The following PCCA variants were observed in gnomAD, a reference collection of about 807,000 sequenced individuals.
The protein encoded by PCCA is propionyl-CoA carboxylase alpha chain, mitochondrial.
Under a neutral mutation model 101.3 loss-of-function variants are expected in PCCA, and 74 were observed. That is an observed-to-expected ratio of 0.73 (90% CI 0.61 to 0.89). The LOEUF is 0.89. Among genes scored for constraint, PCCA ranks in the 40% least tolerant of loss-of-function variants. The pLI is 0.00. For synonymous variants in PCCA, 294 were observed against 313.6 expected, an observed-to-expected ratio of 0.94 and a Z score of 0.66; for missense variants, 891 against 907.0, an observed-to-expected ratio of 0.98 and a Z score of 0.23.
chr13:100,202,693 ATGT>A (rs1056120932), intron 6 of PCCA, among the ~76,000 whole-genome samples: 6 of 149,268 alleles, frequency 4.0e-5, no homozygotes, highest in African/African-American at 1.2e-4. Flanking sequence ...CATATGTTGG[ATGT>A]TCTTTTTTAT....
chr13:100,134,434 GC>G (rs2050900174), intron 4 of PCCA, among the ~76,000 whole-genome samples: 2 of 152,144 alleles, frequency 1.3e-5, no homozygotes, highest in African/African-American at 4.8e-5. Context: ...AAAAAATCCT[GC>G]TGAGATTTTG....
At chr13:100,114,793 T>C (rs943973469) in intron 4 of PCCA, among the ~76,000 whole-genome samples, 18 of 152,152 alleles carry the variant, frequency 1.2e-4, no homozygotes, top group African/African-American at 4.3e-4. Flanking sequence ...CTGGCGAGGA[T>C]GTAGAGAAAG....
intron 21 of PCCA, among the ~76,000 whole-genome samples, chr13:100,513,747 A>G (rs1342315935): frequency 6.6e-6 from 1 of 152,216 alleles, no homozygotes; most frequent in African/African-American, 2.4e-5. Context: ...ACAAGAAAAA[A>G]ATAGATCTGT....
At chr13:100,502,098 C>T (rs1286652088) in intron 21 of PCCA, among the ~76,000 whole-genome samples, 1 of 152,108 alleles carries the variant, frequency 6.6e-6, no homozygotes, top group Non-Finnish European at 1.5e-5. Flanking sequence ...ATTTAGTGCT[C>T]ACACTACAGT....
chr13:100,507,989 AT>A (rs1195231122), intron 21 of PCCA, among the ~76,000 whole-genome samples: 38 of 151,230 alleles, frequency 2.5e-4, no homozygotes, highest in East Asian at 2.0e-4. Flanking sequence ...TTTTGGCACT[AT>A]TTTTTTTTAA....
At chr13:100,418,803 C>A (rs1277356617) in intron 19 of PCCA, among the ~76,000 whole-genome samples, 1 of 149,488 alleles carries the variant, frequency 6.7e-6, no homozygotes, top group Non-Finnish European at 1.5e-5. Flanking sequence ...CATCGTACTT[C>A]AGCCTGGGCA....
chr13:100,445,685 G>T (rs1306195941), intron 20 of PCCA, among the ~76,000 whole-genome samples: 1 of 152,028 alleles, frequency 6.6e-6, no homozygotes, highest in Admixed American at 6.5e-5. Context: ...GTATGTACCT[G>T]GCTTATTTTA....
chr13:100,448,912 A>G (rs2081030662), intron 20 of PCCA, among the ~76,000 whole-genome samples: 2 of 152,214 alleles, frequency 1.3e-5, no homozygotes. Context: ...TATACCCTTG[A>G]GAAACCCCAC....
rs570272693 is a variant in PCCA, at chr13:100,435,674, C to G, written c.1845+9943C>G. ...TTATCCAGGTTCTTGGCGTTTTGAACAAAGAATTGGACAACATGTCCAGCA... is the reference window on the plus strand; with the variant it reads ...TTATCCAGGTTCTTGGCGTTTTGAAGAAAGAATTGGACAACATGTCCAGCA... On this transcript the variant is annotated intron_variant, in intron 20 of 23. Coordinates refer to ENST00000376285, the MANE Select transcript of PCCA (RefSeq NM_000282.4). 2.0e-5 allele frequency among the ~76,000 whole-genome samples: 3 copies of G among 152,250 alleles called. No homozygotes were observed. The East Asian group carries it at 5.8e-4, about 29-fold the overall frequency.
intron 19 of PCCA, among the ~76,000 whole-genome samples, chr13:100,416,588 A>G (rs367567428): frequency 3.3e-5 from 5 of 151,212 alleles, no homozygotes; most frequent in African/African-American, 1.2e-4. Context: ...GGTAGAGTGC[A>G]ATGGCACGAT....
At chr13:100,116,182 T>C (rs1415527620) in intron 4 of PCCA, among the ~76,000 whole-genome samples, 1 of 152,216 alleles carries the variant, frequency 6.6e-6, no homozygotes, top group Non-Finnish European at 1.5e-5. Context: ...GCTATTCAGA[T>C]GTATTAATTT....
At chr13:100,519,334 G>C (rs2087061467) in intron 22 of PCCA, among the ~76,000 whole-genome samples, 1 of 152,176 alleles carries the variant, frequency 6.6e-6, no homozygotes, top group African/African-American at 2.4e-5. Context: ...TAGCCCATTC[G>C]ATATTAGACT....
At chr13:100,209,916 G>A (rs772293955) in intron 7 of PCCA, among the ~76,000 whole-genome samples, 46 of 151,812 alleles carry the variant, frequency 3.0e-4, no homozygotes, top group Middle Eastern at 6.9e-3. Flanking sequence ...ACAGGCGTGA[G>A]TCACTGCATC....
chr13:100,495,384 G>C lies in PCCA; in HGVS notation c.1900-20043G>C, dbSNP rs550629830. On this transcript the variant is annotated intron_variant, in intron 21 of 23. Transcript: ENST00000376285. ...TCTCTGAAATGGCCAGCACTGGAGA[G>C]ACGCTACTGCTGCTGATGGTGAATG... 3.3e-5 allele frequency among the ~76,000 whole-genome samples: 5 copies of C among 152,308 alleles called. No homozygotes were observed. In the South Asian group the frequency reaches 8.3e-4, roughly 25 times the overall value.
intron 6 of PCCA, among the ~76,000 whole-genome samples, chr13:100,197,470 A>C (rs1484119507): frequency 1.3e-5 from 2 of 149,922 alleles, no homozygotes; most frequent in Non-Finnish European, 3.0e-5. Context: ...TTTGAGACAG[A>C]GTGTCGCTTT....
intron 18 of PCCA, among the ~76,000 whole-genome samples, chr13:100,342,014 T>C (rs2071442870): frequency 6.7e-6 from 1 of 149,300 alleles, no homozygotes; most frequent in East Asian, 1.9e-4. Flanking sequence ...TATGTATTTT[T>C]ATATACATAC....
intron 4 of PCCA, chr13:100,154,658 T>C (rs1269862944): frequency 2.9e-6 from 1 of 346,860 alleles, no homozygotes; most frequent in Admixed American, 4.1e-5. Flanking sequence ...TGTAACAAGG[T>C]AGTTTTTGAT....
At chr13:100,333,033 G>A (rs2069877721) in intron 17 of PCCA, among the ~76,000 whole-genome samples, 1 of 151,998 alleles carries the variant, frequency 6.6e-6, no homozygotes, top group Non-Finnish European at 1.5e-5. Flanking sequence ...TTTCAATCAG[G>A]GTATGCTACA....
At chr13:100,240,086 C>A (rs556491549) in intron 8 of PCCA, among the ~76,000 whole-genome samples, 2 of 152,248 alleles carry the variant, frequency 1.3e-5, no homozygotes, top group African/African-American at 4.8e-5. Flanking sequence ...AGTTTCTTTA[C>A]TTCATTTCTT....
Sources: gnomAD v4.1 joint callset for allele counts (sites outside exome capture counted in the v4.1 genomes callset) on GRCh38, gnomAD v4.1.1 for gene constraint, MANE v1.5 for transcripts, NCBI Gene and HGNC (gene_info 2026-07-23, HGNC 2026-07-21) for gene names.